Variants in CHRM3 observed in about 807,000 individuals in gnomAD.
The protein encoded by CHRM3 is muscarinic acetylcholine receptor M3.
In CHRM3, 11 loss-of-function variants were observed where a neutral mutation model predicts 41.8. The observed-to-expected ratio is 0.26, with a 90% CI of 0.17 to 0.44. The LOEUF (loss-of-function observed/expected upper bound fraction) is 0.44, where lower values mean the gene tolerates loss of function less well. CHRM3 is among the 20% of genes least tolerant of loss of function. The pLI, the probability that CHRM3 is intolerant of heterozygous loss-of-function variation, is 1.00. For synonymous variants in CHRM3, 297 were observed against 301.4 expected, an observed-to-expected ratio of 0.99 and a Z score of 0.15; for missense variants, 571 against 745.4, an observed-to-expected ratio of 0.77 and a Z score of 2.72.
At chr1:239,747,667 A>G (rs968495646) in intron 5 of CHRM3, among the ~76,000 whole-genome samples, 3 of 152,216 alleles carry the variant, frequency 2.0e-5, no homozygotes, top group Admixed American at 6.5e-5. Context: ...CTTGCTCTGC[A>G]TTTTGAAAGT....
chr1:239,395,076 C>T (rs897471687), intron 1 of CHRM3, among the ~76,000 whole-genome samples: 1 of 152,154 alleles, frequency 6.6e-6, no homozygotes, highest in Admixed American at 6.6e-5. Flanking sequence ...AATCTCTTAG[C>T]AATCCCTTTA....
intron 1 of CHRM3, among the ~76,000 whole-genome samples, chr1:239,484,024 T>C (rs1667030927): frequency 6.6e-6 from 1 of 152,220 alleles, no homozygotes; most frequent in Non-Finnish European, 1.5e-5. Context: ...TGTAGTCTTT[T>C]CAGCTTTGAA....
At chr1:239,528,609 C>A (rs1033897181) in intron 2 of CHRM3, among the ~76,000 whole-genome samples, 1 of 152,172 alleles carries the variant, frequency 6.6e-6, no homozygotes, top group Non-Finnish European at 1.5e-5. Flanking sequence ...TTAATTTGGG[C>A]AGGCTGGGCT....
At chr1:239,644,788 C>T (rs1272122227) in intron 4 of CHRM3, among the ~76,000 whole-genome samples, 1 of 152,160 alleles carries the variant, frequency 6.6e-6, no homozygotes, top group African/African-American at 2.4e-5. Flanking sequence ...TCAGATGAAG[C>T]TGCACGTTGA....
chr1:239,867,569 C>G (rs981705449), intron 6 of CHRM3, among the ~76,000 whole-genome samples: 10 of 151,886 alleles, frequency 6.6e-5, no homozygotes, highest in Non-Finnish European at 1.5e-4. Flanking sequence ...ACCTGTAATC[C>G]CAGCTACTTG....
intron 5 of CHRM3, among the ~76,000 whole-genome samples, chr1:239,725,022 G>A (rs1663307086): frequency 2.0e-5 from 3 of 151,778 alleles, no homozygotes; most frequent in Admixed American, 2.0e-4. Context: ...TGCACTCTCA[G>A]CTGTGTTGCT....
At chr1:239,596,744 G>T (rs1031410347) in intron 3 of CHRM3, among the ~76,000 whole-genome samples, 2 of 152,162 alleles carry the variant, frequency 1.3e-5, no homozygotes, top group Non-Finnish European at 2.9e-5. Flanking sequence ...TGAACAAACA[G>T]ATGTCATCTC....
intron 2 of CHRM3, among the ~76,000 whole-genome samples, chr1:239,500,560 T>C (rs1443758236): frequency 6.6e-6 from 1 of 151,816 alleles, no homozygotes; most frequent in African/African-American, 2.4e-5. Context: ...GGCACATGTA[T>C]ACATATGTAA....
chr1:239,797,016 A>G (rs1455212440), intron 5 of CHRM3, among the ~76,000 whole-genome samples: 1 of 152,232 alleles, frequency 6.6e-6, no homozygotes, highest in Non-Finnish European at 1.5e-5. Flanking sequence ...GACAATACAC[A>G]GTAATGAAAA....
rs1033295106 is a variant in CHRM3 at position 239,506,052 on chromosome 1, T to C, written c.-422+13245T>C. Among the ~76,000 whole-genome samples, 9 of 152,086 alleles carry C rather than the reference T, an allele frequency of 5.9e-5. 1 individual carries two copies. The highest frequency in any genetic ancestry group is 2.2e-4 in the African/African-American group (9 of 41,404). On this transcript the variant is annotated intron_variant, in intron 2 of 6. Transcript: ENST00000676153. ...GCAGCAAAGAATTCAAGAGGTGACT[T>C]GGGTGCTGTTAAAGGCATTCAGTTT...
chr1:239,394,297 T>C (rs774219470), intron 1 of CHRM3, among the ~76,000 whole-genome samples: 9 of 152,222 alleles, frequency 5.9e-5, no homozygotes, highest in Admixed American at 2.0e-4. Flanking sequence ...TCCTGGTAGC[T>C]ATCTGCATTC....
At chr1:239,791,057 A>T (rs534292306) in intron 5 of CHRM3, among the ~76,000 whole-genome samples, 1 of 151,624 alleles carries the variant, frequency 6.6e-6, no homozygotes, top group East Asian at 1.9e-4. Context: ...GAGAAAAAAA[A>T]AAAAAAACAC....
intron 6 of CHRM3, among the ~76,000 whole-genome samples, chr1:239,833,185 G>A (rs772692493): frequency 3.3e-5 from 5 of 152,174 alleles, no homozygotes; most frequent in East Asian, 3.8e-4. Context: ...TGGGCCAGGC[G>A]TGGACCAGAG....
intron 4 of CHRM3, among the ~76,000 whole-genome samples, chr1:239,652,835 A>G (rs975915094): frequency 2.0e-5 from 3 of 152,210 alleles, no homozygotes; most frequent in African/African-American, 7.2e-5. Context: ...TGAAAACCAA[A>G]CAAAGTGGTC....
chr1:239,649,878 A>G (rs1672079497), intron 4 of CHRM3, among the ~76,000 whole-genome samples: 1 of 152,218 alleles, frequency 6.6e-6, no homozygotes, highest in Non-Finnish European at 1.5e-5. Flanking sequence ...TCCTAACTAC[A>G]AGGTACTAGG....
intron 5 of CHRM3, among the ~76,000 whole-genome samples, chr1:239,688,714 T>C (rs1659411708): frequency 7.4e-6 from 1 of 134,694 alleles, no homozygotes; most frequent in Admixed American, 8.2e-5. Context: ...ATATAATACA[T>C]TATTCAATAT....
chr1:239,904,744 G>A (rs1442561717), intron 6 of CHRM3, among the ~76,000 whole-genome samples: 1 of 152,196 alleles, frequency 6.6e-6, no homozygotes, highest in African/African-American at 2.4e-5. Context: ...TCAGTGCAAT[G>A]TCAGATATTT....
At chr1:239,896,079 A>T (rs931862846) in intron 6 of CHRM3, among the ~76,000 whole-genome samples, 1 of 152,224 alleles carries the variant, frequency 6.6e-6, no homozygotes, top group Non-Finnish European at 1.5e-5. Flanking sequence ...TCAAGGCACA[A>T]ACTTGAGTAG....
intron 2 of CHRM3, among the ~76,000 whole-genome samples, chr1:239,526,524 C>T (rs529755024): frequency 3.3e-5 from 5 of 152,228 alleles, no homozygotes; most frequent in Non-Finnish European, 7.4e-5. Context: ...TTGCTAGAAG[C>T]CCCTGTGTGG....
Sources: gnomAD v4.1 joint callset for allele counts (sites outside exome capture counted in the v4.1 genomes callset) on GRCh38, gnomAD v4.1.1 for gene constraint, MANE v1.5 for transcripts, NCBI Gene and HGNC (gene_info 2026-07-23, HGNC 2026-07-21) for gene names.